SGCZ: variants seen among roughly 807,000 people sequenced by gnomAD.
The protein encoded by SGCZ is sarcoglycan zeta.
A neutral mutation model predicts 41.3 loss-of-function variants in SGCZ; 40 were observed. That is an observed-to-expected ratio of 0.97 (90% CI 0.75 to 1.26). The LOEUF (loss-of-function observed/expected upper bound fraction) is 1.26. Ranked by LOEUF, SGCZ falls within the 50% of genes most tolerant of loss-of-function variation. SGCZ has a pLI of 0.00. For synonymous variants in SGCZ, 206 were observed against 137.5 expected (o/e 1.50, Z -3.49); for missense variants, 552 against 369.8 (o/e 1.49, Z -4.04).
At chr8:14,223,285 ATAT>A (rs554831685) in intron 4 of SGCZ, among the ~76,000 whole-genome samples, 35 of 152,036 alleles carry the variant, frequency 2.3e-4, no homozygotes, top group Non-Finnish European at 4.3e-4. Flanking sequence ...AATTTTTCTC[ATAT>A]TTTTTCATTT....
At chr8:15,090,073 T>C (rs1806100139) in intron 1 of SGCZ, among the ~76,000 whole-genome samples, 1 of 152,228 alleles carries the variant, frequency 6.6e-6, no homozygotes, top group Non-Finnish European at 1.5e-5. Context: ...ACATATTCTT[T>C]TTGCCAACTT....
intron 1 of SGCZ, among the ~76,000 whole-genome samples, chr8:14,959,903 G>A (rs149471557): frequency 1.8e-4 from 27 of 152,248 alleles, no homozygotes; most frequent in Non-Finnish European, 2.9e-5. Flanking sequence ...TTTCCAGCAC[G>A]CGCTGAGGGA....
At chr8:14,263,505 T>A (rs529125113) in intron 3 of SGCZ, among the ~76,000 whole-genome samples, 9 of 152,224 alleles carry the variant, frequency 5.9e-5, no homozygotes, top group South Asian at 4.2e-4. Context: ...GCCACGATGA[T>A]GCCACTGCAC....
At chr8:14,140,096 G>A (rs1351065754) in intron 5 of SGCZ, among the ~76,000 whole-genome samples, 1 of 152,158 alleles carries the variant, frequency 6.6e-6, no homozygotes, top group Admixed American at 6.5e-5. Context: ...AATAGATGCA[G>A]AAAATACCTT....
At chr8:14,374,637 T>C (rs958759589) in intron 2 of SGCZ, among the ~76,000 whole-genome samples, 21 of 152,096 alleles carry the variant, frequency 1.4e-4, no homozygotes, top group Admixed American at 6.5e-4. Flanking sequence ...CATAAATACA[T>C]AGGGAGGCCA....
intron 2 of SGCZ, among the ~76,000 whole-genome samples, chr8:14,408,851 T>C (rs1377745317): frequency 6.6e-6 from 1 of 152,190 alleles, no homozygotes; most frequent in African/African-American, 2.4e-5. Flanking sequence ...TAGCTCATGA[T>C]TGAGACCTTC....
chr8:14,838,372 T>G (rs1269443749), intron 1 of SGCZ, among the ~76,000 whole-genome samples: 2 of 152,190 alleles, frequency 1.3e-5, no homozygotes, highest in African/African-American at 2.4e-5. Context: ...TTCTCAGAGA[T>G]AGCAGAAGAC....
chr8:15,109,782 A>G (rs1397556680), intron 1 of SGCZ, among the ~76,000 whole-genome samples: 2 of 152,130 alleles, frequency 1.3e-5, no homozygotes, highest in African/African-American at 4.8e-5. Flanking sequence ...CATTATTATT[A>G]TTGTTGCTGT....
At chr8:15,233,471 C>T (rs1409388297) in intron 1 of SGCZ, among the ~76,000 whole-genome samples, 3 of 151,694 alleles carry the variant, frequency 2.0e-5, no homozygotes, top group Non-Finnish European at 2.9e-5. Context: ...TGTTTAAATA[C>T]CTATGTATTT....
At chr8:14,475,633 A>T (rs781228947) in intron 2 of SGCZ, among the ~76,000 whole-genome samples, 17 of 152,154 alleles carry the variant, frequency 1.1e-4, no homozygotes, top group Non-Finnish European at 1.9e-4. Context: ...AAATTGTTGG[A>T]GATAAAACCA....
chr8:15,049,299 T>C (rs1485792227), intron 1 of SGCZ, among the ~76,000 whole-genome samples: 1 of 152,034 alleles, frequency 6.6e-6, no homozygotes, highest in Non-Finnish European at 1.5e-5. Context: ...CAAAGGCCTT[T>C]CTTTAAGGAG....
chr8:14,717,985 T>C (rs1809746311), intron 1 of SGCZ, among the ~76,000 whole-genome samples: 1 of 103,976 alleles, frequency 9.6e-6, no homozygotes, highest in Admixed American at 9.9e-5. Context: ...TAAATGTAAA[T>C]TCTAAAATAA....
intron 1 of SGCZ, among the ~76,000 whole-genome samples, chr8:14,983,374 A>T (rs1425778417): frequency 1.3e-4 from 19 of 147,596 alleles, no homozygotes; most frequent in African/African-American, 3.3e-4. Context: ...ATGTATTTTT[A>T]TTTTTTTTTA....
intron 2 of SGCZ, among the ~76,000 whole-genome samples, chr8:14,475,028 C>A (rs1443602931): frequency 1.3e-5 from 2 of 152,092 alleles, no homozygotes; most frequent in South Asian, 2.1e-4. Flanking sequence ...TAGCATCAGG[C>A]TGTGGACTTA....
chr8:15,173,481 G>C (rs1331742289), intron 1 of SGCZ, among the ~76,000 whole-genome samples: 2 of 152,158 alleles, frequency 1.3e-5, no homozygotes, highest in African/African-American at 4.8e-5. Flanking sequence ...TGAATGTAGA[G>C]AATTATTACA....
intron 2 of SGCZ, among the ~76,000 whole-genome samples, chr8:14,369,596 C>A (rs73664327): frequency 0.069 from 10,494 of 151,848 alleles, 1,096 homozygotes; most frequent in African/African-American, 0.23. Flanking sequence ...ATGGAAAAGT[C>A]GTTTGGGAAT....
intron 1 of SGCZ, among the ~76,000 whole-genome samples, chr8:14,710,808 A>T (rs1356646101): frequency 6.6e-6 from 1 of 152,198 alleles, no homozygotes; most frequent in African/African-American, 2.4e-5. Flanking sequence ...CAACAACATA[A>T]ATCTTTTTAA....
chr8:15,015,800 T>C (rs1468836412), intron 1 of SGCZ, among the ~76,000 whole-genome samples: 1 of 148,960 alleles, frequency 6.7e-6, no homozygotes, highest in Admixed American at 6.7e-5. Context: ...AGCTTGGTTC[T>C]GATATCAGTT....
chr8:14,210,625 G>C (rs1805772956), intron 4 of SGCZ, among the ~76,000 whole-genome samples: 1 of 151,292 alleles, frequency 6.6e-6, no homozygotes, highest in South Asian at 2.1e-4. Context: ...ACCACTCTCT[G>C]CTAAATTTTT....
Sources: allele counts gnomAD v4.1 joint callset (sites outside exome capture counted in the v4.1 genomes callset), GRCh38; gene constraint gnomAD v4.1.1; transcripts MANE v1.5; gene names NCBI Gene and HGNC (gene_info 2026-07-23, HGNC 2026-07-21).